The following BRINP3 variants were observed in gnomAD, a reference collection of about 807,000 sequenced individuals.
The protein encoded by BRINP3 is BMP/retinoic acid-inducible neural-specific protein 3.
BRINP3 carries 19 observed loss-of-function variants against 71.0 expected under a neutral mutation model. That is an observed-to-expected ratio of 0.27 (90% confidence interval 0.19 to 0.39). The LOEUF is 0.39. BRINP3 is among the 10% of genes least tolerant of loss of function. BRINP3 has a pLI of 1.00. For synonymous variants in BRINP3, 380 were observed against 337.7 expected (o/e 1.13, Z -1.37); for missense variants, 959 against 940.8 (o/e 1.02, Z -0.25).
intron 7 of BRINP3, among the ~76,000 whole-genome samples, chr1:190,112,457 T>C (rs776093357): frequency 2.0e-5 from 3 of 152,212 alleles, no homozygotes; most frequent in African/African-American, 7.2e-5. Flanking sequence ...TATGAATTCC[T>C]TGACCATGGC....
chr1:190,387,375 T>C (rs1247593885), intron 2 of BRINP3, among the ~76,000 whole-genome samples: 1 of 152,024 alleles, frequency 6.6e-6, no homozygotes, highest in Non-Finnish European at 1.5e-5. Flanking sequence ...TAGCAGAAGC[T>C]AATTTAATCC....
chr1:190,106,260 A>T (rs1049113353), intron 7 of BRINP3, among the ~76,000 whole-genome samples: 1 of 151,762 alleles, frequency 6.6e-6, no homozygotes, highest in Non-Finnish European at 1.5e-5. Context: ...AATTATATAC[A>T]TACACATATA....
intron 4 of BRINP3, among the ~76,000 whole-genome samples, chr1:190,241,817 A>G (rs913552789): frequency 6.6e-6 from 1 of 151,810 alleles, no homozygotes; most frequent in African/African-American, 2.4e-5. Context: ...AAAATTACAT[A>G]TTGCTAAATC....
At chr1:190,202,602 C>T (rs555590229) in intron 6 of BRINP3, among the ~76,000 whole-genome samples, 1 of 152,244 alleles carries the variant, frequency 6.6e-6, no homozygotes, top group South Asian at 2.1e-4. Flanking sequence ...ATAATTCCTA[C>T]ATGCTGTGGG....
intron 3 of BRINP3, among the ~76,000 whole-genome samples, chr1:190,267,208 A>ATAAT (rs770504935): frequency 3.9e-5 from 6 of 152,298 alleles, no homozygotes; most frequent in Non-Finnish European, 8.8e-5. Context: ...CTTACTTTCA[A>ATAAT]TAATACACAG....
chr1:190,336,856 CTCCT>C (rs1438421619), intron 2 of BRINP3, among the ~76,000 whole-genome samples: 83 of 88,622 alleles, frequency 9.4e-4, no homozygotes, highest in Non-Finnish European at 1.4e-3. Context: ...CCTTCCTTCC[CTCCT>C]TCCTTCCTTC....
chr1:190,105,060 A>T (rs1652033865), intron 7 of BRINP3, among the ~76,000 whole-genome samples: 1 of 152,098 alleles, frequency 6.6e-6, no homozygotes, highest in South Asian at 2.1e-4. Flanking sequence ...CATTTAAGCA[A>T]GCATAAGCTG....
At chr1:190,123,024 T>C (rs1222851989) in intron 7 of BRINP3, among the ~76,000 whole-genome samples, 2 of 152,124 alleles carry the variant, frequency 1.3e-5, no homozygotes, top group African/African-American at 4.8e-5. Context: ...TTCTAACACA[T>C]TATTCTTGAG....
chr1:190,374,262 C>T (rs1287976441), intron 2 of BRINP3, among the ~76,000 whole-genome samples: 2 of 152,030 alleles, frequency 1.3e-5, no homozygotes, highest in African/African-American at 4.8e-5. Context: ...ATAACACACA[C>T]ACATTTTGTG....
rs570651426 is a variant in BRINP3, at chr1:190,411,274, C to A, written c.236+43381G>T. 3.3e-5 allele frequency among the ~76,000 whole-genome samples: 5 copies of A among 152,176 alleles called. No homozygotes were observed. The East Asian group carries it at 7.7e-4, about 24-fold the overall frequency. On this transcript the variant is annotated intron_variant, in intron 2 of 7. Coordinates refer to ENST00000367462, the MANE Select transcript of BRINP3 (RefSeq NM_199051.3). ...GAAGAAAAAAGAAGGAAACTGAATA[C>A]CTACCTCACCCCATAGAAATCAGGT...
chr1:190,434,329 C>T (rs1224216694), intron 2 of BRINP3, among the ~76,000 whole-genome samples: 1 of 151,804 alleles, frequency 6.6e-6, no homozygotes, highest in Non-Finnish European at 1.5e-5. Context: ...AGGCTGGTCT[C>T]GAATTCCTGA....
Position 190,281,609 on chromosome 1 carries a change from G to T in BRINP3, c.378C>A (p.Asn126Lys). 4 of 1,612,824 alleles carry T rather than the reference G, an allele frequency of 2.5e-6. No individual in the cohort carries two copies. Among genetic ancestry groups the T allele is most frequent in the Non-Finnish European group, 2.5e-6 (3 of 1,179,228 alleles). Residue 126 changes from asparagine to lysine, a missense_variant, in exon 3 of 8, where the codon AAC becomes AAA. Transcript: ENST00000367462. ...AATGTGTCCCATATTTCTTGATAAG[G>T]TTTTCTGTGATTTGCTGAAGGGTAG... ...RRPTLQQITE[N>K]LIKKYGTHFL...
At chr1:190,457,503 A>G (rs934314223) in intron 1 of BRINP3, among the ~76,000 whole-genome samples, 1 of 147,708 alleles carries the variant, frequency 6.8e-6, no homozygotes, top group African/African-American at 2.6e-5. Context: ...AACGCTATAG[A>G]TGTTTGACTT....
At chr1:190,160,306 T>A (rs1418541932) in intron 7 of BRINP3, among the ~76,000 whole-genome samples, 2 of 152,104 alleles carry the variant, frequency 1.3e-5, no homozygotes, top group African/African-American at 4.8e-5. Context: ...TATTGAGGAA[T>A]TTTAATTTCT....
chr1:190,413,065 A>T (rs915800648), intron 2 of BRINP3, among the ~76,000 whole-genome samples: 1 of 152,212 alleles, frequency 6.6e-6, no homozygotes, highest in Non-Finnish European at 1.5e-5. Context: ...ATAACTTTTT[A>T]AAAGAACTTT....
intron 2 of BRINP3, among the ~76,000 whole-genome samples, chr1:190,450,927 T>C (rs1467764504): frequency 6.6e-6 from 1 of 152,176 alleles, no homozygotes; most frequent in Non-Finnish European, 1.5e-5. Flanking sequence ...TAGACCATCT[T>C]GTCTTTCCTT....
intron 2 of BRINP3, among the ~76,000 whole-genome samples, chr1:190,352,977 A>G (rs1282235522): frequency 6.6e-6 from 1 of 151,798 alleles, no homozygotes; most frequent in Non-Finnish European, 1.5e-5. Context: ...TCTACCAGAC[A>G]CATGGGTGTT....
chr1:190,233,045 A>G (rs1658150043), intron 5 of BRINP3, among the ~76,000 whole-genome samples: 1 of 152,186 alleles, frequency 6.6e-6, no homozygotes, highest in Admixed American at 6.5e-5. Context: ...AACTCAAAAT[A>G]AAAGGCATTC....
At chr1:190,362,828 G>A (rs1669235756) in intron 2 of BRINP3, among the ~76,000 whole-genome samples, 1 of 152,136 alleles carries the variant, frequency 6.6e-6, no homozygotes, top group Non-Finnish European at 1.5e-5. Flanking sequence ...ACCCAGCCAC[G>A]TGGAACTGTG....
Sources: gnomAD v4.1 joint callset for allele counts (sites outside exome capture counted in the v4.1 genomes callset) on GRCh38, gnomAD v4.1.1 for gene constraint, MANE v1.5 for transcripts, NCBI Gene and HGNC (gene_info 2026-07-23, HGNC 2026-07-21) for gene names.